TAFA1: variants seen among roughly 807,000 people sequenced by gnomAD.
The protein encoded by TAFA1 is TAFA chemokine like family member 1.
In TAFA1, 4 loss-of-function variants were observed where a neutral mutation model predicts 18.5. The ratio of observed to expected loss-of-function variants is 0.22; its 90% CI spans 0.11 to 0.49. The LOEUF (loss-of-function observed/expected upper bound fraction) is 0.49, where lower values mean the gene tolerates loss of function less well. Ranked by LOEUF, TAFA1 falls within the 20% of genes least tolerant of loss-of-function variation. The pLI is 0.98. For missense variants in TAFA1, 147 were observed against 169.0 expected, an observed-to-expected ratio of 0.87 and a Z score of 0.72; for synonymous variants, 56 against 55.2, an observed-to-expected ratio of 1.01 and a Z score of -0.06.
intron 2 of TAFA1, among the ~76,000 whole-genome samples, chr3:68,055,932 C>T (rs1409231135): frequency 6.6e-6 from 1 of 152,088 alleles, no homozygotes; most frequent in Admixed American, 6.5e-5. Context: ...TTAAATGATG[C>T]CGGAGAGGCC....
intron 2 of TAFA1, among the ~76,000 whole-genome samples, chr3:68,207,860 A>T (rs959055065): frequency 6.6e-6 from 1 of 151,866 alleles, no homozygotes; most frequent in Non-Finnish European, 1.5e-5. Context: ...GAGGATGAAA[A>T]CAAAGTGCTT....
intron 2 of TAFA1, among the ~76,000 whole-genome samples, chr3:68,122,335 T>A (rs1283866331): frequency 6.6e-6 from 1 of 152,212 alleles, no homozygotes. Context: ...CCCTGCAATG[T>A]ACAAATTTCA....
At chr3:68,250,219 T>C (rs921268303) in intron 2 of TAFA1, among the ~76,000 whole-genome samples, 2 of 152,178 alleles carry the variant, frequency 1.3e-5, no homozygotes, top group African/African-American at 4.8e-5. Flanking sequence ...CTCTATTTGC[T>C]TATCTTTCCA....
intron 2 of TAFA1, among the ~76,000 whole-genome samples, chr3:68,134,985 A>G (rs772887568): frequency 6.6e-6 from 1 of 152,186 alleles, no homozygotes; most frequent in Non-Finnish European, 1.5e-5. Context: ...TAGGCATGCA[A>G]AATTTCTTAG....
chr3:68,442,136 T>C (rs889186633), intron 3 of TAFA1, among the ~76,000 whole-genome samples: 11 of 152,014 alleles, frequency 7.2e-5, no homozygotes, highest in African/African-American at 2.7e-4. Flanking sequence ...ACTCCTTATA[T>C]CAATTTTTTT....
intron 2 of TAFA1, among the ~76,000 whole-genome samples, chr3:68,224,555 G>A (rs1039300709): frequency 2.6e-5 from 4 of 152,064 alleles, no homozygotes; most frequent in Non-Finnish European, 5.9e-5. Flanking sequence ...TTTCCTGAAA[G>A]CTTTCTAGCC....
chr3:68,029,373 A>G (rs1201454935), intron 2 of TAFA1, among the ~76,000 whole-genome samples: 5 of 152,208 alleles, frequency 3.3e-5, no homozygotes, highest in Non-Finnish European at 4.4e-5. Context: ...CTCAATTCAG[A>G]TGCTCAATTT....
the TAFA1 span, among the ~76,000 whole-genome samples, chr3:67,993,810 G>C: frequency 1.3e-5 from 2 of 152,110 alleles, no homozygotes; most frequent in Non-Finnish European, 2.9e-5. Context: ...AGAGGAGGGG[G>C]TGGAAGAGAA....
At chr3:67,992,990 G>A in the TAFA1 span, among the ~76,000 whole-genome samples, 1 of 152,228 alleles carries the variant, frequency 6.6e-6, no homozygotes, top group South Asian at 2.1e-4. Flanking sequence ...CCAACCTGAT[G>A]ATCAGAGAAT....
intron 2 of TAFA1, among the ~76,000 whole-genome samples, chr3:68,266,231 A>G (rs1328072444): frequency 6.6e-6 from 1 of 152,184 alleles, no homozygotes; most frequent in Non-Finnish European, 1.5e-5. Flanking sequence ...TTAAGCTTTT[A>G]CACACTGTAA....
At chr3:68,302,780 A>G (rs181814932) in intron 2 of TAFA1, among the ~76,000 whole-genome samples, 34 of 152,268 alleles carry the variant, frequency 2.2e-4, no homozygotes, top group Admixed American at 1.8e-3. Context: ...GACATTTGCT[A>G]ACTATACAAA....
chr3:68,041,009 C>A (rs1411386573), intron 2 of TAFA1, among the ~76,000 whole-genome samples: 1 of 152,160 alleles, frequency 6.6e-6, no homozygotes, highest in Admixed American at 6.5e-5. Context: ...GTAACATTGT[C>A]TTGAAAATTG....
chr3:68,088,092 A>C (rs1026490323), intron 2 of TAFA1, among the ~76,000 whole-genome samples: 1 of 152,206 alleles, frequency 6.6e-6, no homozygotes, highest in Admixed American at 6.5e-5. Flanking sequence ...AGTCTTTATC[A>C]TCAGTGACAA....
intron 2 of TAFA1, among the ~76,000 whole-genome samples, chr3:68,190,576 G>A (rs2066324761): frequency 6.6e-6 from 1 of 151,818 alleles, no homozygotes; most frequent in African/African-American, 2.4e-5. Context: ...CAGTTCCTCA[G>A]TCTTCCTGTT....
chr3:68,239,648 T>A (rs1383001508), intron 2 of TAFA1, among the ~76,000 whole-genome samples: 1 of 152,210 alleles, frequency 6.6e-6, no homozygotes, highest in Admixed American at 6.5e-5. Context: ...TTTTAAGTAG[T>A]GCTTAGTTTA....
chr3:68,361,061 A>T (rs1396047909), intron 2 of TAFA1, among the ~76,000 whole-genome samples: 1 of 151,444 alleles, frequency 6.6e-6, no homozygotes, highest in African/African-American at 2.4e-5. Context: ...CTAAAGGATG[A>T]CCTCACACTG....
intron 2 of TAFA1, among the ~76,000 whole-genome samples, chr3:68,030,421 C>T (rs948791437): frequency 2.0e-5 from 3 of 152,124 alleles, no homozygotes; most frequent in Non-Finnish European, 2.9e-5. Flanking sequence ...CCTAACCCCC[C>T]ACCAGCCGAC....
At chr3:68,121,814 T>A (rs1296364204) in intron 2 of TAFA1, among the ~76,000 whole-genome samples, 1 of 152,140 alleles carries the variant, frequency 6.6e-6, no homozygotes. Context: ...CCTTCCAAAG[T>A]TTAAGTGTGG....
intron 2 of TAFA1, among the ~76,000 whole-genome samples, chr3:68,162,792 C>T (rs2065941422): frequency 6.6e-6 from 1 of 152,160 alleles, no homozygotes; most frequent in African/African-American, 2.4e-5. Context: ...ACTCTTGCCT[C>T]TCTGATTATG....
Sources: allele counts gnomAD v4.1 joint callset (sites outside exome capture counted in the v4.1 genomes callset), GRCh38; gene constraint gnomAD v4.1.1; transcripts MANE v1.5; gene names NCBI Gene and HGNC (gene_info 2026-07-23, HGNC 2026-07-21).